The following RCAN1 variants were observed in gnomAD, a reference collection of about 807,000 sequenced individuals.
RCAN1 encodes regulator of calcineurin 1, also known as calcipressin-1.
RCAN1 carries 11 observed loss-of-function variants against 22.9 expected under a neutral mutation model. The observed-to-expected ratio is 0.48, with a 90% CI of 0.30 to 0.79. The LOEUF is 0.79. Among genes scored for constraint, RCAN1 ranks in the 30% least tolerant of loss-of-function variants. The pLI is 0.06. For synonymous variants in RCAN1, 136 were observed against 142.3 expected, an observed-to-expected ratio of 0.96 and a Z score of 0.32; for missense variants, 291 against 337.8, an observed-to-expected ratio of 0.86 and a Z score of 1.09.
At chr21:34,599,009 T>C (rs138756874) in intron 1 of RCAN1, among the ~76,000 whole-genome samples, 1 of 152,238 alleles carries the variant, frequency 6.6e-6, no homozygotes, top group East Asian at 1.9e-4. Flanking sequence ...TCCCCAGTAC[T>C]GGTGAGAATG....
intron 2 of RCAN1, 87 bp downstream of exon 2, chr21:34,523,450 G>T: frequency 7.6e-7 from 1 of 1,324,034 alleles, no homozygotes; most frequent in Non-Finnish European, 1.1e-6. Context: ...TTTCCGGTCA[G>T]CATATAACAT....
chr21:34,525,404 G>A (rs1377723306), intron 1 of RCAN1: 18 of 1,435,290 alleles, frequency 1.3e-5, no homozygotes, highest in East Asian at 2.5e-5. Flanking sequence ...CTGGCGGACG[G>A]TAGAGTTCAT....
At chr21:34,598,088 G>A (rs528669056) in intron 1 of RCAN1, among the ~76,000 whole-genome samples, 2 of 152,272 alleles carry the variant, frequency 1.3e-5, no homozygotes, top group East Asian at 1.9e-4. Context: ...ATGTAAAGAC[G>A]TCAACTCTCC....
intron 1 of RCAN1, among the ~76,000 whole-genome samples, chr21:34,563,765 A>C (rs201948439): frequency 0.025 from 2,455 of 99,448 alleles, 89 homozygotes; most frequent in African/African-American, 0.078. Flanking sequence ...AAAAAAAAAA[A>C]AAAAAATATA....
chr21:34,609,226 A>T (rs147758433), intron 1 of RCAN1, among the ~76,000 whole-genome samples: 1 of 152,184 alleles, frequency 6.6e-6, no homozygotes, highest in Admixed American at 6.5e-5. Flanking sequence ...ATGCTCAGAG[A>T]TCATGGCAGA....
At chr21:34,574,464 G>A (rs1007126696) in intron 1 of RCAN1, among the ~76,000 whole-genome samples, 1 of 152,176 alleles carries the variant, frequency 6.6e-6, no homozygotes, top group African/African-American at 2.4e-5. Context: ...TGAGATTTAG[G>A]ATGCACTAGA....
chr21:34,533,000 GC>G (rs1381277525), intron 1 of RCAN1, among the ~76,000 whole-genome samples: 2 of 147,156 alleles, frequency 1.4e-5, no homozygotes, highest in Non-Finnish European at 1.5e-5. Flanking sequence ...TTGCTCTGTC[GC>G]CCAGGCTGGA....
At chr21:34,544,157 C>G (rs1466530451) in intron 1 of RCAN1, among the ~76,000 whole-genome samples, 1 of 152,218 alleles carries the variant, frequency 6.6e-6, no homozygotes, top group East Asian at 1.9e-4. Flanking sequence ...GCTGAATTCT[C>G]AAATGGCCCC....
chr21:34,597,056 G>C (rs142665424), intron 1 of RCAN1, among the ~76,000 whole-genome samples: 3 of 152,160 alleles, frequency 2.0e-5, no homozygotes, highest in Non-Finnish European at 2.9e-5. Flanking sequence ...CTTGCTGTGT[G>C]ATGTGGGCCC....
At chr21:34,576,488 G>A (rs529628214) in intron 1 of RCAN1, among the ~76,000 whole-genome samples, 1 of 152,316 alleles carries the variant, frequency 6.6e-6, no homozygotes, top group African/African-American at 2.4e-5. Flanking sequence ...CACGTTCCAG[G>A]CTTGATGGTA....
At chr21:34,605,820 C>G (rs893828484) in intron 1 of RCAN1, among the ~76,000 whole-genome samples, 1 of 150,566 alleles carries the variant, frequency 6.6e-6, no homozygotes, top group Admixed American at 6.7e-5. Context: ...TTCAGGAGGC[C>G]GAGGCAGGAC....
At chr21:34,592,923 T>C (rs61070697) in intron 1 of RCAN1, among the ~76,000 whole-genome samples, 6,510 of 152,242 alleles carry the variant, frequency 0.043, 447 homozygotes, top group African/African-American at 0.14. Flanking sequence ...TCTAAGCGCA[T>C]GTGGGAACTG....
intron 1 of RCAN1, among the ~76,000 whole-genome samples, chr21:34,572,914 A>T (rs1568916813): frequency 1.3e-5 from 2 of 152,296 alleles, no homozygotes; most frequent in Middle Eastern, 3.4e-3. Flanking sequence ...AAAAGAACTC[A>T]TTATCACAAG....
At chr21:34,533,161 C>T (rs1985504594) in intron 1 of RCAN1, among the ~76,000 whole-genome samples, 1 of 151,628 alleles carries the variant, frequency 6.6e-6, no homozygotes. Flanking sequence ...GGGGTTTCAC[C>T]GTGTTAGCCA....
At chr21:34,521,698 G>C in intron 2 of RCAN1, 40 bp from the exon 3 acceptor site, 3 of 1,550,770 alleles carry the variant, frequency 1.9e-6, no homozygotes, top group Non-Finnish European at 2.6e-6. Context: ...TGTTGCCAGG[G>C]AAGAACTGCA....
Position 34,523,702 on chromosome 21 carries a change from A to G in RCAN1, c.261T>C (p.Phe87=), listed in dbSNP as rs1409372029. The change falls in exon 2 of 4, where the codon TTT becomes TTC. Residue 87 remains phenylalanine (F), a synonymous_variant. Coordinates refer to ENST00000313806, the MANE Select transcript of RCAN1 (RefSeq NM_004414.7). ...VFVDGLCRAK[F]ESLFRTYDKD... ...TGTCATACGTCCTAAAGAGGGACTCAAATTTGGCCTGAAAAATAACAATAA... is the reference window on the plus strand; with the variant it reads ...TGTCATACGTCCTAAAGAGGGACTCGAATTTGGCCTGAAAAATAACAATAA... 6.2e-7 allele frequency: 1 copy of G among 1,611,374 alleles called. No individual in the cohort carries two copies. Among genetic ancestry groups the G allele is most frequent in the Admixed American group, 1.7e-5 (1 of 59,376 alleles).
At chr21:34,583,838 G>T (rs1601198839) in intron 1 of RCAN1, among the ~76,000 whole-genome samples, 1 of 152,274 alleles carries the variant, frequency 6.6e-6, no homozygotes, top group East Asian at 1.9e-4. Flanking sequence ...GACCATATCA[G>T]CCACTGCAGA....
chr21:34,569,366 T>C (rs1189466178), intron 1 of RCAN1, among the ~76,000 whole-genome samples: 2 of 152,250 alleles, frequency 1.3e-5, no homozygotes, highest in African/African-American at 2.4e-5. Context: ...GGAATCACCA[T>C]AAATCCTAAA....
chr21:34,580,801 G>A (rs1029314777), intron 1 of RCAN1, among the ~76,000 whole-genome samples: 1 of 152,236 alleles, frequency 6.6e-6, no homozygotes, highest in Non-Finnish European at 1.5e-5. Flanking sequence ...GCACGAAGAA[G>A]GGACCCAAAT....
Sources: gnomAD v4.1 joint callset for allele counts (sites outside exome capture counted in the v4.1 genomes callset) on GRCh38, gnomAD v4.1.1 for gene constraint, MANE v1.5 for transcripts, NCBI Gene and HGNC (gene_info 2026-07-23, HGNC 2026-07-21) for gene names.